Variants in RABEP1 observed in about 807,000 individuals in gnomAD.
The protein encoded by RABEP1 is rab GTPase-binding effector protein 1.
A neutral mutation model predicts 123.4 loss-of-function variants in RABEP1; 51 were observed. The observed-to-expected ratio is 0.41, with a 90% CI of 0.33 to 0.52. The LOEUF (loss-of-function observed/expected upper bound fraction) is 0.52, where lower values mean the gene tolerates loss of function less well. Among genes scored for constraint, RABEP1 ranks in the 20% least tolerant of loss-of-function variants. The pLI is 0.16. For missense variants in RABEP1, 888 were observed against 996.3 expected, an observed-to-expected ratio of 0.89 and a Z score of 1.46; for synonymous variants, 347 against 355.2, an observed-to-expected ratio of 0.98 and a Z score of 0.26.
At chr17:5,302,386 G>A (rs1441016227) in intron 1 of RABEP1, among the ~76,000 whole-genome samples, 2 of 151,364 alleles carry the variant, frequency 1.3e-5, no homozygotes, top group Non-Finnish European at 2.9e-5. Context: ...GACTACAGGC[G>A]TCCGCCACCA....
At chr17:5,356,741 C>T (rs1909050076) in intron 8 of RABEP1, among the ~76,000 whole-genome samples, 1 of 151,282 alleles carries the variant, frequency 6.6e-6, no homozygotes, top group East Asian at 1.9e-4. Context: ...GCCTTGACCT[C>T]CCGGGCTCAA....
rs187878407 is a variant in RABEP1 at position 5,286,461 on chromosome 17, T to G, written c.34+3941T>G. ...GTGAGCCGAGATCGTGCCACTGCACTCCAGCCTGGGGGACAGAGTGAGACT... is the reference window on the plus strand; with the variant it reads ...GTGAGCCGAGATCGTGCCACTGCACGCCAGCCTGGGGGACAGAGTGAGACT... On this transcript the variant is annotated intron_variant, in intron 1 of 17. Transcript: ENST00000537505. 3.9e-5 allele frequency among the ~76,000 whole-genome samples: 6 copies of G among 152,172 alleles called. No homozygotes were observed. In the East Asian group the frequency reaches 1.2e-3, roughly 29 times the overall value.
chr17:5,286,217 C>T (rs114875251), intron 1 of RABEP1, among the ~76,000 whole-genome samples: 3,179 of 152,200 alleles, frequency 0.021, 111 homozygotes, highest in African/African-American at 0.071. Context: ...ATTGTTTGGC[C>T]GGGCATGGTG....
At chr17:5,323,281 T>G (rs1905568115) in intron 2 of RABEP1, among the ~76,000 whole-genome samples, 2 of 152,192 alleles carry the variant, frequency 1.3e-5, no homozygotes, top group Non-Finnish European at 1.5e-5. Flanking sequence ...GTTGAAGGCC[T>G]TTCCTCTGAG....
At chr17:5,316,234 T>G (rs2075293618) in intron 2 of RABEP1, among the ~76,000 whole-genome samples, 2 of 152,076 alleles carry the variant, frequency 1.3e-5, no homozygotes, top group Non-Finnish European at 2.9e-5. Context: ...GCGGATTGCC[T>G]GAGTTCAGGA....
At chr17:5,369,213 G>A (rs1384165142) in intron 12 of RABEP1, among the ~76,000 whole-genome samples, 1 of 152,204 alleles carries the variant, frequency 6.6e-6, no homozygotes, top group African/African-American at 2.4e-5. Context: ...ATGCTGAGAG[G>A]GATGGGGGCA....
chr17:5,299,028 A>G (rs1046461977), intron 1 of RABEP1, among the ~76,000 whole-genome samples: 9 of 152,190 alleles, frequency 5.9e-5, no homozygotes, highest in African/African-American at 1.9e-4. Context: ...ACGTACCACA[A>G]TGCTATTATA....
rs533571592 is a variant in RABEP1, at chr17:5,350,648, G to A, written c.963+19G>A. 3 of 1,612,722 alleles carry A rather than the reference G, an allele frequency of 1.9e-6. No homozygotes were observed. In the African/African-American group the frequency reaches 4.0e-5, roughly 22 times the overall value. On this transcript the variant is annotated intron_variant, in intron 7 of 17. Transcript: ENST00000537505. The stretch of plus-strand genomic sequence containing the variant: ...AGATCAGGTGAATAGAAGTTTTTAG[G>A]ACTGATTTGCTTTGTCAGTAATGTC...
intron 6 of RABEP1, among the ~76,000 whole-genome samples, chr17:5,347,793 CATATT>C (rs2144640791): frequency 6.6e-6 from 1 of 152,286 alleles, no homozygotes; most frequent in South Asian, 2.1e-4. Context: ...AAAAGACACT[CATATT>C]CTTAAAGGTG....
At chr17:5,336,421 A>G in intron 4 of RABEP1, 4 of 461,240 alleles carry the variant, frequency 8.7e-6, no homozygotes, top group Non-Finnish European at 1.7e-5. Context: ...ATTCTTATTA[A>G]CTGAAGTCCA....
intron 10 of RABEP1, 100 bp from the exon 11 acceptor site, chr17:5,365,022 G>T: frequency 1.4e-6 from 1 of 719,650 alleles, no homozygotes; most frequent in Non-Finnish European, 2.3e-6. Context: ...CCCAGAAAAA[G>T]ACATAAGAGA....
chr17:5,365,160 CCAGTTA>C lies in RABEP1; in HGVS notation c.1708_1713del (p.Gln570_Leu571del). ...AGCTGATGCTAAGGCAAGCTAATGA[CCAGTTA>C]GAGAAGACAATGAAAGATAAGCAGG... On this transcript the variant is annotated inframe_deletion, in exon 11 of 18. Transcript: ENST00000537505. 6.2e-7 allele frequency: 1 copy of C among 1,609,950 alleles called. No individual in the cohort carries two copies. The highest frequency in any genetic ancestry group is 8.5e-7 in the Non-Finnish European group (1 of 1,178,554).
rs2309381 is a variant in RABEP1, at chr17:5,365,417, A to G, written c.1785+179A>G. On this transcript the variant is annotated intron_variant, in intron 11 of 17. Transcript: ENST00000537505. ...TCTCTGTTTTACAGATTTTTAAAGA[A>G]TAACTTTCAAAATAATTGGTCAGTA... Among the ~76,000 whole-genome samples, 18,920 of 152,146 alleles carry G rather than the reference A, an allele frequency of 0.12. 1,878 individuals are homozygous for G. Among genetic ancestry groups the G allele is most frequent in the East Asian group, 0.48 (2,483 of 5,150 alleles).
intron 7 of RABEP1, among the ~76,000 whole-genome samples, chr17:5,351,141 A>T (rs977581614): frequency 9.7e-5 from 11 of 113,808 alleles, no homozygotes; most frequent in African/African-American, 3.4e-4. Flanking sequence ...AAGATTGGAC[A>T]CCTGCTCTAA....
rs114500229 is a variant in RABEP1, at chr17:5,307,589, A to G, written c.35-1105A>G. ...TGATTAGTACTAACCGATATCCCCT[A>G]AAGGGATTATGGTCATAGCTTTAAG... On this transcript the variant is annotated intron_variant, in intron 1 of 17. Transcript: ENST00000537505. Among the ~76,000 whole-genome samples the G allele has an allele frequency of 1.3e-3, 195 of 152,282 alleles. 1 individual carries two copies. Among genetic ancestry groups the G allele is most frequent in the African/African-American group, 4.5e-3 (185 of 41,564 alleles).
intron 7 of RABEP1, among the ~76,000 whole-genome samples, chr17:5,353,354 A>G (rs1017905437): frequency 6.6e-6 from 1 of 152,130 alleles, no homozygotes; most frequent in Non-Finnish European, 1.5e-5. Context: ...GAAATCAGTC[A>G]TTGTTTTTCT....
intron 12 of RABEP1, among the ~76,000 whole-genome samples, chr17:5,369,044 A>C (rs1043750438): frequency 1.3e-5 from 2 of 152,074 alleles, no homozygotes; most frequent in East Asian, 1.9e-4. Context: ...GGGAGGCTGA[A>C]GTTGCAGTGA....
chr17:5,315,108 C>T (rs565287010), intron 2 of RABEP1, among the ~76,000 whole-genome samples: 1 of 152,266 alleles, frequency 6.6e-6, no homozygotes, highest in South Asian at 2.1e-4. Context: ...TTATATAAAG[C>T]TGTTACGCTA....
chr17:5,344,624 T>C (rs958420707), intron 5 of RABEP1, among the ~76,000 whole-genome samples: 3 of 151,540 alleles, frequency 2.0e-5, no homozygotes, highest in Admixed American at 1.3e-4. Flanking sequence ...TATGAAAAAT[T>C]AGCCGGGCGT....
Sources: allele counts gnomAD v4.1 joint callset (sites outside exome capture counted in the v4.1 genomes callset), GRCh38; gene constraint gnomAD v4.1.1; transcripts MANE v1.5; gene names NCBI Gene and HGNC (gene_info 2026-07-23, HGNC 2026-07-21).